ITFG1: variants seen among roughly 807,000 people sequenced by gnomAD.
ITFG1 encodes the protein integrin alpha FG-GAP repeat containing 1.
ITFG1 carries 34 observed loss-of-function variants against 81.8 expected under a neutral mutation model. The ratio of observed to expected loss-of-function variants is 0.42; its 90% confidence interval spans 0.32 to 0.55. The LOEUF (loss-of-function observed/expected upper bound fraction) is 0.55, where lower values mean the gene tolerates loss of function less well. ITFG1 is among the 20% of genes least tolerant of loss of function. The probability of loss-of-function intolerance (pLI) is 0.17; values close to 1 mark genes in which losing one functional copy is unlikely to be tolerated. For synonymous variants in ITFG1, 285 were observed against 270.6 expected (o/e 1.05, Z -0.52); for missense variants, 672 against 755.4 (o/e 0.89, Z 1.29).
intron 10 of ITFG1, among the ~76,000 whole-genome samples, chr16:47,304,842 T>A (rs1434639537): frequency 6.6e-6 from 1 of 152,018 alleles, no homozygotes; most frequent in Non-Finnish European, 1.5e-5. Context: ...TCCTTAGGAG[T>A]CATAAAACTT....
intron 6 of ITFG1, among the ~76,000 whole-genome samples, chr16:47,396,524 T>TGTGTGTGTGTG (rs1555514103): frequency 5.0e-4 from 75 of 149,202 alleles, no homozygotes; most frequent in African/African-American, 1.7e-3. Flanking sequence ...AATAATTATT[T>TGTGTGTGTGTG]TGTGTGTGTG....
chr16:47,396,080 T>C (rs1419656448), intron 6 of ITFG1: 2 of 706,304 alleles, frequency 2.8e-6, no homozygotes, highest in East Asian at 2.7e-4. Context: ...TTAGTCTACG[T>C]GATAGTAGCA....
At chr16:47,178,717 T>C (rs1965061093) in intron 14 of ITFG1, among the ~76,000 whole-genome samples, 1 of 152,104 alleles carries the variant, frequency 6.6e-6, no homozygotes, top group African/African-American at 2.4e-5. Context: ...AAAGCCAAAA[T>C]TGACAAATGG....
At chr16:47,238,876 G>A (rs1965903314) in intron 12 of ITFG1, among the ~76,000 whole-genome samples, 1 of 152,168 alleles carries the variant, frequency 6.6e-6, no homozygotes, top group Non-Finnish European at 1.5e-5. Flanking sequence ...TAGGCAGGGT[G>A]TAATGATTTG....
chr16:47,305,802 T>C (rs949254350), intron 10 of ITFG1, among the ~76,000 whole-genome samples: 3 of 152,026 alleles, frequency 2.0e-5, no homozygotes, highest in Admixed American at 1.3e-4. Flanking sequence ...TGGGGGAAAA[T>C]AAAGAAAATT....
intron 8 of ITFG1, 101 bp from the exon 9 acceptor site, chr16:47,313,924 G>C (rs1967309898): frequency 1.8e-6 from 1 of 556,002 alleles, no homozygotes; most frequent in East Asian, 3.3e-5. Flanking sequence ...CATCAATCTG[G>C]ATAAAACAGA....
intron 6 of ITFG1, among the ~76,000 whole-genome samples, chr16:47,407,461 C>T (rs1036229194): frequency 6.6e-5 from 10 of 152,166 alleles, no homozygotes; most frequent in South Asian, 4.1e-4. Context: ...AAGTGATTCT[C>T]GTGCCTCAGC....
At chr16:47,343,972 A>T (rs1967817734) in intron 8 of ITFG1, among the ~76,000 whole-genome samples, 3 of 152,218 alleles carry the variant, frequency 2.0e-5, no homozygotes, top group Admixed American at 2.0e-4. Flanking sequence ...TTCTGATACC[A>T]GACAGAACAC....
chr16:47,331,376 T>A (rs1259516477), intron 8 of ITFG1, among the ~76,000 whole-genome samples: 2 of 152,134 alleles, frequency 1.3e-5, no homozygotes, highest in African/African-American at 4.8e-5. Flanking sequence ...TATGGGGTAC[T>A]GTGTTCACTA....
intron 6 of ITFG1, among the ~76,000 whole-genome samples, chr16:47,399,572 CAA>C (rs749907275): frequency 4.8e-5 from 6 of 123,932 alleles, no homozygotes; most frequent in Admixed American, 7.9e-5. Flanking sequence ...GACTCCGTCT[CAA>C]AAAAAAAAAA....
At chr16:47,181,512 GC>G (rs1214564920) in intron 14 of ITFG1, among the ~76,000 whole-genome samples, 1 of 128,754 alleles carries the variant, frequency 7.8e-6, no homozygotes, top group Non-Finnish European at 1.6e-5. Context: ...GGGGGGGTCA[GC>G]CCCCCCACCC....
intron 6 of ITFG1, among the ~76,000 whole-genome samples, chr16:47,402,904 G>A (rs2151599830): frequency 6.6e-6 from 1 of 152,156 alleles, no homozygotes; most frequent in South Asian, 2.1e-4. Context: ...CAAACTATCT[G>A]AACCGAAGCA....
chr16:47,327,757 A>G (rs1967573118), intron 8 of ITFG1, among the ~76,000 whole-genome samples: 1 of 152,228 alleles, frequency 6.6e-6, no homozygotes, highest in Admixed American at 6.5e-5. Context: ...AGAGAAATGC[A>G]AATCAAAACA....
chr16:47,157,741 A>G (rs1379651819), intron 17 of ITFG1: 2 of 152,214 alleles, frequency 1.3e-5, no homozygotes, highest in African/African-American at 4.8e-5. Flanking sequence ...TTTATAGAAC[A>G]ACTAATATGT....
At chr16:47,278,764 A>C (rs1966423420) in intron 10 of ITFG1, among the ~76,000 whole-genome samples, 2 of 152,222 alleles carry the variant, frequency 1.3e-5, no homozygotes, top group African/African-American at 4.8e-5. Flanking sequence ...TGAAGGGAAA[A>C]TAACTCAGCA....
chr16:47,412,014 C>A (rs182577228), intron 6 of ITFG1, among the ~76,000 whole-genome samples: 1 of 152,264 alleles, frequency 6.6e-6, no homozygotes, highest in Admixed American at 6.5e-5. Context: ...CTGTACAGAG[C>A]TTTGGACCTC....
chr16:47,449,248 C>T (rs532563995), intron 5 of ITFG1: 1 of 152,252 alleles, frequency 6.6e-6, no homozygotes, highest in Non-Finnish European at 1.5e-5. Flanking sequence ...ATCCATAAAG[C>T]ATAATATTTA....
chr16:47,201,141 A>T (rs182658946), intron 14 of ITFG1, among the ~76,000 whole-genome samples: 143 of 152,288 alleles, frequency 9.4e-4, no homozygotes, highest in African/African-American at 3.4e-3. Flanking sequence ...CAGAATAATT[A>T]TACCATCTTT....
intron 10 of ITFG1, among the ~76,000 whole-genome samples, chr16:47,307,430 T>C (rs532430214): frequency 6.6e-6 from 1 of 152,170 alleles, no homozygotes; most frequent in Non-Finnish European, 1.5e-5. Flanking sequence ...CATTTTATTA[T>C]GGGACTAAGA....
Sources: gnomAD v4.1 joint callset for allele counts (sites outside exome capture counted in the v4.1 genomes callset) on GRCh38, gnomAD v4.1.1 for gene constraint, MANE v1.5 for transcripts, NCBI Gene and HGNC (gene_info 2026-07-23, HGNC 2026-07-21) for gene names.